FAM177A1: variants seen among roughly 807,000 people sequenced by gnomAD.
FAM177A1 encodes the protein family with sequence similarity 177 member A1.
A neutral mutation model predicts 26.1 loss-of-function variants in FAM177A1; 22 were observed. That is an observed-to-expected ratio of 0.84 (90% CI 0.60 to 1.20). The LOEUF is 1.20. Ranked by LOEUF, FAM177A1 falls within the 50% of genes most tolerant of loss-of-function variation. FAM177A1 has a pLI of 0.00. For synonymous variants in FAM177A1, 95 were observed against 99.3 expected (o/e 0.96, Z 0.26); for missense variants, 296 against 291.1 (o/e 1.02, Z -0.12).
chr14:35,046,771 T>C (rs1314854145), intron 1 of FAM177A1, 143 bp downstream of exon 1: 11 of 1,387,688 alleles, frequency 7.9e-6, no homozygotes, highest in Non-Finnish European at 1.0e-5. Context: ...CCCCTGTTTC[T>C]GCTCACTGAG....
At position 35,072,585 on chromosome 14, in the gene FAM177A1, C is replaced by T. The variant is rs1043109579; in HGVS notation, c.340-4565C>T. 2.6e-5 allele frequency among the ~76,000 whole-genome samples: 4 copies of T among 152,144 alleles called. No individual in the cohort carries two copies. The South Asian group carries it at 6.2e-4, about 24-fold the overall frequency. On this transcript the variant is annotated intron_variant, in intron 2 of 4. Coordinates refer to ENST00000280987, the MANE Select transcript of FAM177A1 (RefSeq NM_173607.5). ...TTAGGTGGTAACAGTTCTTTTCCCA[C>T]CATTTGCTTTAGTTTCATTGCCTGT...
At chr14:35,056,186 C>T (rs1178819687) in intron 2 of FAM177A1, among the ~76,000 whole-genome samples, 2 of 151,838 alleles carry the variant, frequency 1.3e-5, no homozygotes, top group Non-Finnish European at 2.9e-5. Context: ...AGAAACGCAC[C>T]ACCACACCCA....
intron 2 of FAM177A1, among the ~76,000 whole-genome samples, chr14:35,076,666 T>C (rs2045401451): frequency 6.6e-6 from 1 of 152,048 alleles, no homozygotes; most frequent in African/African-American, 2.4e-5. Context: ...TTTCCCACCA[T>C]TAAAAGCTCA....
intron 2 of FAM177A1, among the ~76,000 whole-genome samples, chr14:35,069,900 G>C (rs1002978628): frequency 6.6e-6 from 1 of 151,246 alleles, no homozygotes; most frequent in Non-Finnish European, 1.5e-5. Context: ...GATAGATCAC[G>C]AAGTCAGGAG....
chr14:35,072,529 G>C (rs1226363147), intron 2 of FAM177A1, among the ~76,000 whole-genome samples: 5 of 152,106 alleles, frequency 3.3e-5, no homozygotes, highest in African/African-American at 1.2e-4. Context: ...CTGTCTGACT[G>C]TTTTACTTTT....
chr14:35,076,017 T>C (rs2138568058), intron 2 of FAM177A1, among the ~76,000 whole-genome samples: 1 of 152,272 alleles, frequency 6.6e-6, no homozygotes, highest in East Asian at 1.9e-4. Context: ...GTTCAACCAT[T>C]GTGGAAGACA....
At chr14:35,062,757 G>A (rs957528094) in intron 2 of FAM177A1, among the ~76,000 whole-genome samples, 3 of 147,746 alleles carry the variant, frequency 2.0e-5, no homozygotes, top group Non-Finnish European at 4.4e-5. Context: ...TCATGCCACT[G>A]TACTCCAGCC....
intron 3 of FAM177A1, among the ~76,000 whole-genome samples, chr14:35,078,492 C>T (rs2045430346): frequency 1.3e-5 from 2 of 152,148 alleles, no homozygotes; most frequent in South Asian, 2.1e-4. Context: ...GCTGGGATTA[C>T]AGGTGCCCAC....
chr14:35,052,278 TCTGTTGCCCAGA>T (rs1481008054), intron 1 of FAM177A1, among the ~76,000 whole-genome samples: 2 of 151,852 alleles, frequency 1.3e-5, no homozygotes, highest in East Asian at 3.9e-4. Context: ...GGAGTCTTGC[TCTGTTGCCCAGA>T]CTGGAGTGCA....
At position 35,046,445 on chromosome 14, in the gene FAM177A1, C is replaced by G. The variant is rs1300432121; in HGVS notation, c.-19C>G. 1 of 1,533,834 alleles carries G rather than the reference C, an allele frequency of 6.5e-7. No homozygotes were observed. ...CCCGACAGCCTGGCTCGGCCAGCGACTGGGCGGGGAGACCAAGGATGGAAG... is the reference window on the plus strand; with the variant it reads ...CCCGACAGCCTGGCTCGGCCAGCGAGTGGGCGGGGAGACCAAGGATGGAAG... On this transcript the variant is annotated 5_prime_UTR_variant, in exon 1 of 5. Coordinates refer to ENST00000280987, the MANE Select transcript of FAM177A1 (RefSeq NM_173607.5).
At chr14:35,053,193 A>G (rs2045002384) in intron 1 of FAM177A1, 85 bp from the exon 2 acceptor site, 19 of 1,272,496 alleles carry the variant, frequency 1.5e-5, no homozygotes, top group South Asian at 9.9e-5. Flanking sequence ...CTTTACTACA[A>G]TAAACCTACC....
At chr14:35,063,388 A>G (rs1051116162) in intron 2 of FAM177A1, among the ~76,000 whole-genome samples, 1 of 151,600 alleles carries the variant, frequency 6.6e-6, no homozygotes, top group Non-Finnish European at 1.5e-5. Context: ...CCTGGCCAAC[A>G]TGGTGAAACC....
chr14:35,069,309 G>A (rs965548855), intron 2 of FAM177A1, among the ~76,000 whole-genome samples: 2 of 137,164 alleles, frequency 1.5e-5, no homozygotes, highest in Admixed American at 7.5e-5. Flanking sequence ...TTTTGAGACA[G>A]AGTTTCACTC....
At chr14:35,045,702 T>C (rs1015516357), upstream of FAM177A1, among the ~76,000 whole-genome samples, 1 of 152,136 alleles carries the variant, frequency 6.6e-6, no homozygotes, top group African/African-American at 2.4e-5. Context: ...TCGTTGAACA[T>C]TGCGAAAGAC....
intron 2 of FAM177A1, among the ~76,000 whole-genome samples, 184 bp from the exon 3 acceptor site, chr14:35,076,960 GGTGAAT>G (rs1239596823): frequency 3.9e-5 from 6 of 151,920 alleles, no homozygotes; most frequent in African/African-American, 1.5e-4. Flanking sequence ...TAGTTATATG[GGTGAAT>G]GTAAAATATC....
intron 2 of FAM177A1, among the ~76,000 whole-genome samples, chr14:35,054,328 T>C (rs1380676645): frequency 6.6e-6 from 1 of 152,338 alleles, no homozygotes; most frequent in Non-Finnish European, 1.5e-5. Context: ...TTCTAAATTA[T>C]ACAAGATGTG....
At chr14:35,077,336 C>A in intron 3 of FAM177A1, 120 bp downstream of exon 3, 1 of 849,390 alleles carries the variant, frequency 1.2e-6, no homozygotes, top group Non-Finnish European at 2.0e-6. Context: ...TCACTGTCCT[C>A]AAGAGCTAGC....
At chr14:35,068,424 A>AT (rs1160810592) in intron 2 of FAM177A1, among the ~76,000 whole-genome samples, 4 of 152,230 alleles carry the variant, frequency 2.6e-5, no homozygotes, top group African/African-American at 9.6e-5. Context: ...TTTGGCATGT[A>AT]TGCACTGTAT....
chr14:35,056,336 A>C (rs761807349), intron 2 of FAM177A1, among the ~76,000 whole-genome samples: 54 of 151,602 alleles, frequency 3.6e-4, no homozygotes, highest in Non-Finnish European at 7.1e-4. Flanking sequence ...CGCCCAGGCA[A>C]CTATTTTTTA....
Sources: allele counts gnomAD v4.1 joint callset (sites outside exome capture counted in the v4.1 genomes callset), GRCh38; gene constraint gnomAD v4.1.1; transcripts MANE v1.5; gene names NCBI Gene and HGNC (gene_info 2026-07-23, HGNC 2026-07-21).